The following NCKAP5 variants were observed in gnomAD, a reference collection of about 807,000 sequenced individuals.
NCKAP5 encodes the protein nck-associated protein 5.
In NCKAP5, 92 loss-of-function variants were observed where a neutral mutation model predicts 167.0. The ratio of observed to expected loss-of-function variants is 0.55; its 90% CI spans 0.47 to 0.66. NCKAP5 has a LOEUF of 0.66. Ranked by LOEUF, NCKAP5 falls within the 30% of genes least tolerant of loss-of-function variation. The pLI is 0.00. For synonymous variants in NCKAP5, 891 were observed against 877.4 expected (o/e 1.02, Z -0.27); for missense variants, 2,378 against 2,315.0 (o/e 1.03, Z -0.56).
chr2:133,150,682 C>T (rs1298939763), intron 5 of NCKAP5, among the ~76,000 whole-genome samples: 2 of 152,102 alleles, frequency 1.3e-5, no homozygotes, highest in Non-Finnish European at 2.9e-5. Flanking sequence ...TTTGGAAAAC[C>T]ATCTGGGAGT....
chr2:133,003,848 G>A (rs1055454808), intron 6 of NCKAP5, among the ~76,000 whole-genome samples: 3 of 152,166 alleles, frequency 2.0e-5, no homozygotes, highest in Non-Finnish European at 4.4e-5. Context: ...TCACTCCAGG[G>A]CCATCTCTAT....
intron 4 of NCKAP5, among the ~76,000 whole-genome samples, chr2:133,289,045 A>G (rs1256139355): frequency 6.6e-6 from 1 of 152,226 alleles, no homozygotes. Flanking sequence ...TAGCAGAGTC[A>G]GGACTTAAAC....
At chr2:132,846,465 C>T (rs571263650) in intron 11 of NCKAP5, among the ~76,000 whole-genome samples, 19 of 152,072 alleles carry the variant, frequency 1.2e-4, no homozygotes, top group Admixed American at 7.9e-4. Context: ...CCACCACGCC[C>T]GGCTAATTTT....
At position 133,018,205 on chromosome 2, in the gene NCKAP5, C is replaced by T. The variant is rs149360129; in HGVS notation, c.342-23966G>A. Among the ~76,000 whole-genome samples, 4 of 152,266 alleles carry T rather than the reference C, an allele frequency of 2.6e-5. No individual in the cohort carries two copies. In the East Asian group the frequency reaches 5.8e-4, roughly 22 times the overall value. On this transcript the variant is annotated intron_variant, in intron 6 of 19. Coordinates refer to ENST00000409261, the MANE Select transcript of NCKAP5 (RefSeq NM_207363.3). ...AATGGTGGTCAACCCACCATGCAAC[C>T]TGGGCGGTGCAGGGGTTCTATGCAA...
At chr2:133,179,390 G>A (rs2084633592) in intron 5 of NCKAP5, among the ~76,000 whole-genome samples, 2 of 151,366 alleles carry the variant, frequency 1.3e-5, no homozygotes, top group African/African-American at 2.4e-5. Context: ...AAGGATTTTA[G>A]GAATAGGGAT....
chr2:132,724,557 A>G (rs1404748360), intron 19 of NCKAP5, among the ~76,000 whole-genome samples: 1 of 152,078 alleles, frequency 6.6e-6, no homozygotes, highest in African/African-American at 2.4e-5. Context: ...AGGCATCTTC[A>G]TTGGGCGAGC....
chr2:133,496,816 C>A (rs1327430266), intron 3 of NCKAP5, among the ~76,000 whole-genome samples: 2 of 152,082 alleles, frequency 1.3e-5, no homozygotes, highest in African/African-American at 4.8e-5. Flanking sequence ...GCCACTGAGG[C>A]TCTTATAATA....
At chr2:133,567,598 A>G (rs1688642172) in intron 1 of NCKAP5, among the ~76,000 whole-genome samples, 1 of 152,004 alleles carries the variant, frequency 6.6e-6, no homozygotes. Context: ...ATCCAAATAG[A>G]AACAGTTTCA....
At chr2:133,501,463 G>T (rs1682507637) in intron 3 of NCKAP5, among the ~76,000 whole-genome samples, 1 of 152,100 alleles carries the variant, frequency 6.6e-6, no homozygotes, top group African/African-American at 2.4e-5. Context: ...TCTTTTGGAA[G>T]ATTTCACCTA....
chr2:133,431,483 T>A (rs1185939681), intron 3 of NCKAP5, among the ~76,000 whole-genome samples: 1 of 152,160 alleles, frequency 6.6e-6, no homozygotes, highest in Non-Finnish European at 1.5e-5. Context: ...GCTTTTTCTT[T>A]GATGTGAACT....
chr2:133,115,496 T>G (rs1439142583), intron 6 of NCKAP5, among the ~76,000 whole-genome samples: 2 of 152,084 alleles, frequency 1.3e-5, no homozygotes, highest in Non-Finnish European at 2.9e-5. Flanking sequence ...GCTTTCAATC[T>G]GGGGGAATTT....
intron 4 of NCKAP5, among the ~76,000 whole-genome samples, chr2:133,280,099 A>G (rs16823104): frequency 0.077 from 11,653 of 152,216 alleles, 507 homozygotes; most frequent in African/African-American, 0.1. Flanking sequence ...ATTTATTGTT[A>G]TATGCCTATA....
intron 3 of NCKAP5, among the ~76,000 whole-genome samples, chr2:133,476,268 G>A (rs1679878482): frequency 6.6e-6 from 1 of 152,202 alleles, no homozygotes; most frequent in Non-Finnish European, 1.5e-5. Context: ...AGTGTGCAAT[G>A]CAAAGTCAGG....
At chr2:133,109,504 T>C (rs1010943514) in intron 6 of NCKAP5, among the ~76,000 whole-genome samples, 10 of 152,276 alleles carry the variant, frequency 6.6e-5, no homozygotes, top group African/African-American at 2.4e-4. Context: ...TGCCGAAGGA[T>C]ATATAGGAAG....
At chr2:132,756,628 G>A (rs576623337) in intron 16 of NCKAP5, among the ~76,000 whole-genome samples, 2 of 152,012 alleles carry the variant, frequency 1.3e-5, no homozygotes, top group African/African-American at 4.8e-5. Context: ...AGGTTGTATA[G>A]GAAAGGGACT....
intron 6 of NCKAP5, among the ~76,000 whole-genome samples, chr2:133,092,212 A>G (rs999261447): frequency 6.6e-6 from 1 of 152,224 alleles, no homozygotes; most frequent in African/African-American, 2.4e-5. Context: ...CTGAAATCCA[A>G]TGGCTGAAAT....
chr2:133,637,844 AC>A, the NCKAP5 span, among the ~76,000 whole-genome samples: 3 of 152,112 alleles, frequency 2.0e-5, no homozygotes, highest in Admixed American at 6.6e-5. Flanking sequence ...CTTGATGAAA[AC>A]CATAAATTTT....
chr2:133,526,652 A>G (rs373917725), intron 2 of NCKAP5, among the ~76,000 whole-genome samples: 104 of 152,176 alleles, frequency 6.8e-4, no homozygotes, highest in African/African-American at 2.4e-3. Context: ...CTCTTCTCAA[A>G]CCATCTGTTC....
At chr2:133,435,213 A>G (rs938588098) in intron 3 of NCKAP5, among the ~76,000 whole-genome samples, 98 of 152,268 alleles carry the variant, frequency 6.4e-4, no homozygotes, top group African/African-American at 2.3e-3. Context: ...TGACAGATTC[A>G]CTCATGTAAT....
Sources: gnomAD v4.1 joint callset for allele counts (sites outside exome capture counted in the v4.1 genomes callset) on GRCh38, gnomAD v4.1.1 for gene constraint, MANE v1.5 for transcripts, NCBI Gene and HGNC (gene_info 2026-07-23, HGNC 2026-07-21) for gene names.